DSCAM: variants seen among roughly 807,000 people sequenced by gnomAD.
DSCAM encodes cell adhesion molecule DSCAM.
A neutral mutation model predicts 217.7 loss-of-function variants in DSCAM; 47 were observed. The observed-to-expected ratio is 0.22, with a 90% CI of 0.17 to 0.28. DSCAM has a LOEUF of 0.28. Among genes scored for constraint, DSCAM ranks in the 10% least tolerant of loss-of-function variants. The probability of loss-of-function intolerance (pLI) is 1.00; values close to 1 mark genes in which losing one functional copy is unlikely to be tolerated. For missense variants in DSCAM, 2,080 were observed against 2,618.3 expected, an observed-to-expected ratio of 0.79 and a Z score of 4.49; for synonymous variants, 1,056 against 1,015.3, an observed-to-expected ratio of 1.04 and a Z score of -0.76.
chr21:40,367,303 TC>T (rs2074843480), intron 4 of DSCAM, among the ~76,000 whole-genome samples: 1 of 152,158 alleles, frequency 6.6e-6, no homozygotes, highest in South Asian at 2.1e-4. Flanking sequence ...GCCTTCCACC[TC>T]TGCTGCTGGT....
At chr21:40,100,834 A>G (rs987470986) in intron 20 of DSCAM, among the ~76,000 whole-genome samples, 1 of 152,186 alleles carries the variant, frequency 6.6e-6, no homozygotes, top group Non-Finnish European at 1.5e-5. Context: ...TTCTTCAGGT[A>G]GACTTTGAAC....
chr21:40,546,432 C>T (rs1039615038), intron 3 of DSCAM, among the ~76,000 whole-genome samples: 3 of 152,192 alleles, frequency 2.0e-5, no homozygotes, highest in African/African-American at 4.8e-5. Flanking sequence ...GATCTGGATT[C>T]AAATAACAGC....
chr21:40,300,661 C>A (rs997336268), intron 9 of DSCAM, among the ~76,000 whole-genome samples: 2 of 152,228 alleles, frequency 1.3e-5, no homozygotes, highest in Admixed American at 1.3e-4. Context: ...GGTATAAATT[C>A]TCTGCCTCTG....
chr21:40,822,970 C>T (rs191290007), intron 1 of DSCAM, among the ~76,000 whole-genome samples: 6 of 152,054 alleles, frequency 3.9e-5, no homozygotes, highest in Admixed American at 2.6e-4. Flanking sequence ...ACCCACATGG[C>T]GAAACCCCGT....
At position 40,612,649 on chromosome 21, in the gene DSCAM, A is replaced by C. The variant is rs571501370; in HGVS notation, c.508+80161T>G. ...ACAAACATAGCCAATGGCAGTTTTAAGGGGATGTTTGTTATACAGCATGAG... is the reference window on the plus strand; with the variant it reads ...ACAAACATAGCCAATGGCAGTTTTACGGGGATGTTTGTTATACAGCATGAG... On this transcript the variant is annotated intron_variant, in intron 3 of 32. Transcript: ENST00000400454. Among the ~76,000 whole-genome samples the C allele has an allele frequency of 5.9e-5, 9 of 152,322 alleles. No individual in the cohort carries two copies. The South Asian group carries it at 1.2e-3, about 21-fold the overall frequency.
intron 6 of DSCAM, among the ~76,000 whole-genome samples, chr21:40,344,453 T>C (rs1265399768): frequency 6.6e-6 from 1 of 152,218 alleles, no homozygotes; most frequent in African/African-American, 2.4e-5. Flanking sequence ...TTATATTCTT[T>C]CACCTCTTTA....
intron 3 of DSCAM, among the ~76,000 whole-genome samples, chr21:40,568,893 G>A (rs2076785155): frequency 6.6e-6 from 1 of 152,090 alleles, no homozygotes; most frequent in African/African-American, 2.4e-5. Context: ...TGTAGCAGGA[G>A]GCCTCTTCCC....
chr21:40,246,067 A>G (rs2073219662), intron 11 of DSCAM, among the ~76,000 whole-genome samples: 1 of 151,944 alleles, frequency 6.6e-6, no homozygotes, highest in Non-Finnish European at 1.5e-5. Flanking sequence ...TCATGGGAAC[A>G]CTCATTCTAT....
At chr21:40,787,484 C>T (rs1238991338) in intron 1 of DSCAM, among the ~76,000 whole-genome samples, 1 of 152,166 alleles carries the variant, frequency 6.6e-6, no homozygotes, top group African/African-American at 2.4e-5. Context: ...AGAAAAGATG[C>T]ACGTCCCTCA....
chr21:40,142,469 G>A, intron 18 of DSCAM, 89 bp downstream of exon 18: 1 of 1,463,606 alleles, frequency 6.8e-7, no homozygotes, highest in Non-Finnish European at 9.4e-7. Flanking sequence ...GCCATATCCT[G>A]AGCCCCTTGT....
intron 32 of DSCAM, among the ~76,000 whole-genome samples, chr21:40,039,674 C>G (rs1016848518): frequency 3.9e-5 from 6 of 152,148 alleles, no homozygotes; most frequent in African/African-American, 1.4e-4. Flanking sequence ...CAGGTATCTG[C>G]TAGACCTTGA....
rs57292987 is a variant in DSCAM at position 40,233,124 on chromosome 21, G to A, written c.2356+42973C>T. On this transcript the variant is annotated intron_variant, in intron 11 of 32. Transcript: ENST00000400454. Reference sequence around the variant, plus strand: ...GAAGTAATCTGTACACCAAACCCCCGTGACGACAGTTTACCTGTATAACAA... The same window carrying A: ...GAAGTAATCTGTACACCAAACCCCCATGACGACAGTTTACCTGTATAACAA... Among the ~76,000 whole-genome samples, 955 of 151,994 alleles carry A rather than the reference G, an allele frequency of 6.3e-3. 13 individuals carry two copies. Among genetic ancestry groups the A allele is most frequent in the African/African-American group, 0.021 (876 of 41,468 alleles).
intron 18 of DSCAM, 73 bp downstream of exon 18, chr21:40,142,485 A>T: frequency 3.2e-6 from 5 of 1,571,144 alleles, no homozygotes; most frequent in East Asian, 2.2e-5. Flanking sequence ...CTTGTTAGGA[A>T]CTAGGAGGGG....
intron 11 of DSCAM, among the ~76,000 whole-genome samples, chr21:40,242,892 C>A (rs561309376): frequency 6.6e-6 from 1 of 152,314 alleles, no homozygotes; most frequent in African/African-American, 2.4e-5. Flanking sequence ...ATCTGTTTCC[C>A]ACCACTCATT....
intron 1 of DSCAM, among the ~76,000 whole-genome samples, chr21:40,711,134 A>G (rs2090775141): frequency 6.6e-6 from 1 of 152,184 alleles, no homozygotes; most frequent in Non-Finnish European, 1.5e-5. Flanking sequence ...TTCTCATCTT[A>G]GAACCAAATG....
chr21:40,523,334 A>AC (rs1481785485), intron 3 of DSCAM, among the ~76,000 whole-genome samples: 1 of 151,758 alleles, frequency 6.6e-6, no homozygotes, highest in African/African-American at 2.4e-5. Context: ...GCCTATAAAA[A>AC]CCCCGAGACT....
chr21:40,109,191 A>C (rs2089862350), intron 20 of DSCAM, among the ~76,000 whole-genome samples: 1 of 152,254 alleles, frequency 6.6e-6, no homozygotes, highest in African/African-American at 2.4e-5. Flanking sequence ...CAGCAAAAGA[A>C]ATTATCAACA....
chr21:40,638,251 G>A (rs527866719), intron 3 of DSCAM, among the ~76,000 whole-genome samples: 1 of 152,252 alleles, frequency 6.6e-6, no homozygotes, highest in South Asian at 2.1e-4. Context: ...CTACCCATGT[G>A]TAATCCTAAA....
chr21:40,778,447 CA>C (rs1215349614), intron 1 of DSCAM, among the ~76,000 whole-genome samples: 2 of 152,134 alleles, frequency 1.3e-5, no homozygotes, highest in East Asian at 3.9e-4. Flanking sequence ...TGTTCAGAAT[CA>C]AAATGCTCCA....
Sources: gnomAD v4.1 joint callset for allele counts (sites outside exome capture counted in the v4.1 genomes callset) on GRCh38, gnomAD v4.1.1 for gene constraint, MANE v1.5 for transcripts, NCBI Gene and HGNC (gene_info 2026-07-23, HGNC 2026-07-21) for gene names.